The following BORCS5 variants were observed in gnomAD, a reference collection of about 807,000 sequenced individuals.
The protein encoded by BORCS5 is BLOC-1-related complex subunit 5.
Under a neutral mutation model 22.1 loss-of-function variants are expected in BORCS5, and 17 were observed. The ratio of observed to expected loss-of-function variants is 0.77; its 90% confidence interval spans 0.53 to 1.15. The LOEUF (loss-of-function observed/expected upper bound fraction) is 1.15. Among genes scored for constraint, BORCS5 ranks in the 50% most tolerant of loss-of-function variants. The pLI, the probability that BORCS5 is intolerant of heterozygous loss-of-function variation, is 0.00. For synonymous variants in BORCS5, 117 were observed against 99.8 expected, an observed-to-expected ratio of 1.17 and a Z score of -1.03; for missense variants, 247 against 253.2, an observed-to-expected ratio of 0.98 and a Z score of 0.17.
intron 2 of BORCS5, among the ~76,000 whole-genome samples, chr12:12,414,740 C>T (rs1253095060): frequency 7.4e-6 from 1 of 135,414 alleles, no homozygotes; most frequent in African/African-American, 2.9e-5. Flanking sequence ...GGAGACGCTC[C>T]TCACTTCCCA....
chr12:12,434,327 A>T (rs1158709959), intron 2 of BORCS5, among the ~76,000 whole-genome samples: 1 of 148,368 alleles, frequency 6.7e-6, no homozygotes, highest in South Asian at 2.1e-4. Context: ...CCTGCACGTG[A>T]CCTACTGTCA....
chr12:12,380,006 A>G (rs984161094), intron 2 of BORCS5, among the ~76,000 whole-genome samples: 1 of 151,234 alleles, frequency 6.6e-6, no homozygotes, highest in East Asian at 1.9e-4. Flanking sequence ...CCTGATTTCA[A>G]TATTATTGTA....
At chr12:12,463,505 T>G (rs983283416) in intron 3 of BORCS5, among the ~76,000 whole-genome samples, 5 of 152,210 alleles carry the variant, frequency 3.3e-5, no homozygotes, top group African/African-American at 1.2e-4. Flanking sequence ...GCTGCTGGAC[T>G]TCGGAGAGCT....
chr12:12,469,534 G>T lies in BORCS5; in HGVS notation c.*3758G>T, dbSNP rs1456303860. On this transcript the variant is annotated 3_prime_UTR_variant, in exon 4 of 4. Coordinates refer to ENST00000314565, the MANE Select transcript of BORCS5 (RefSeq NM_058169.6). ...GGTATTACAAACTCGGTTTTACAAGGTTACATAAACTAATGGCCCTGGGGC... is the reference window on the plus strand; with the variant it reads ...GGTATTACAAACTCGGTTTTACAAGTTTACATAAACTAATGGCCCTGGGGC... 1 of 152,246 alleles carries T rather than the reference G, an allele frequency of 6.6e-6. No homozygotes were observed. Among genetic ancestry groups the T allele is most frequent in the Non-Finnish European group, 1.5e-5 (1 of 68,054 alleles). The allele number at this position is 152,246 out of a possible 1,614,324, so 9.4% of individuals were successfully genotyped here.
chr12:12,392,632 G>A (rs958996838), intron 2 of BORCS5, among the ~76,000 whole-genome samples: 1 of 152,104 alleles, frequency 6.6e-6, no homozygotes, highest in African/African-American at 2.4e-5. Context: ...GTACCCACAT[G>A]ACAAGGATGC....
rs1233037654 is a variant in BORCS5 at position 12,427,962 on chromosome 12, T to C, written c.203-7666T>C. Among the ~76,000 whole-genome samples, 3 of 152,344 alleles carry C rather than the reference T, an allele frequency of 2.0e-5. No individual in the cohort carries two copies. The East Asian group carries it at 5.8e-4, about 29-fold the overall frequency. ...GGATTAGGATTTCAACATAGGAAATTTGGGGAAACACAAACATTCAGTCCA... is the reference window on the plus strand; with the variant it reads ...GGATTAGGATTTCAACATAGGAAATCTGGGGAAACACAAACATTCAGTCCA... On this transcript the variant is annotated intron_variant, in intron 2 of 3. Coordinates refer to ENST00000314565, the MANE Select transcript of BORCS5 (RefSeq NM_058169.6).
At chr12:12,451,127 C>G (rs1459045889) in intron 3 of BORCS5, among the ~76,000 whole-genome samples, 1 of 150,452 alleles carries the variant, frequency 6.6e-6, no homozygotes, top group African/African-American at 2.4e-5. Flanking sequence ...GTTGACAGAT[C>G]AAAGGTACGC....
At position 12,405,119 on chromosome 12, in the gene BORCS5, A is replaced by G. The variant is rs1025250405; in HGVS notation, c.203-30509A>G. Among the ~76,000 whole-genome samples, 5 of 152,228 alleles carry G rather than the reference A, an allele frequency of 3.3e-5. No homozygotes were observed. The South Asian group carries it at 1.0e-3, about 32-fold the overall frequency. ...AACAATAATACAGAAGAAGGGTTCT[A>G]TGGTAAATGCCGAAAGTGAACCTTC... On this transcript the variant is annotated intron_variant, in intron 2 of 3. Coordinates refer to ENST00000314565, the MANE Select transcript of BORCS5 (RefSeq NM_058169.6).
chr12:12,467,120 A>G lies in BORCS5; in HGVS notation c.*1344A>G, dbSNP rs1943216701. On this transcript the variant is annotated 3_prime_UTR_variant, in exon 4 of 4. Transcript: ENST00000314565. ...ATTAAAAAAAATTAATTAATTTTACATTTTCAAATTCAAAAGAATAATACA... is the reference window on the plus strand; with the variant it reads ...ATTAAAAAAAATTAATTAATTTTACGTTTTCAAATTCAAAAGAATAATACA... The G allele has an allele frequency of 6.6e-6, 1 of 152,196 alleles. No homozygotes were observed. Among genetic ancestry groups the G allele is most frequent in the African/African-American group, 2.4e-5 (1 of 41,448 alleles). 9.4% of individuals were successfully genotyped at this position (152,196 alleles called of 1,614,324 possible). A position where few individuals can be genotyped will look rare whatever the true frequency, so the allele number is the denominator to read the frequency against.
In BORCS5 at chr12:12,357,160, A is replaced by G. The variant is rs78254869; in HGVS notation, c.-292A>G. ...CCGCCCGCCGGCCGCAGGTGCGGCAAAGCCAGTGTCATCTGCCGGTTCTCT... is the reference window on the plus strand; with the variant it reads ...CCGCCCGCCGGCCGCAGGTGCGGCAGAGCCAGTGTCATCTGCCGGTTCTCT... On this transcript the variant is annotated 5_prime_UTR_variant, in exon 1 of 4. Transcript: ENST00000314565. The G allele has an allele frequency of 1.2e-3, 1,846 of 1,532,294 alleles. 24 individuals are homozygous for G. In the African/African-American group the frequency reaches 0.022, roughly 18 times the overall value. 94.9% of individuals were successfully genotyped at this position (1,532,294 alleles called of 1,614,324 possible). A position where few individuals can be genotyped will look rare whatever the true frequency, so the allele number is the denominator to read the frequency against.
At chr12:12,372,388 A>G (rs1863550919) in intron 2 of BORCS5, among the ~76,000 whole-genome samples, 1 of 151,962 alleles carries the variant, frequency 6.6e-6, no homozygotes, top group Admixed American at 6.6e-5. Context: ...TCTGTTGCCC[A>G]GGCTAGAGTG....
intron 3 of BORCS5, among the ~76,000 whole-genome samples, chr12:12,440,170 A>T (rs1942652395): frequency 6.6e-6 from 1 of 152,246 alleles, no homozygotes; most frequent in South Asian, 2.1e-4. Flanking sequence ...TGATTCAGAT[A>T]AAGGAAAATC....
intron 2 of BORCS5, among the ~76,000 whole-genome samples, chr12:12,386,727 C>T (rs1863891863): frequency 1.3e-5 from 2 of 151,062 alleles, no homozygotes; most frequent in Non-Finnish European, 3.0e-5. Context: ...GCCTCGGCCT[C>T]CCAAAGTGCT....
chr12:12,424,847 G>A (rs1183755967), intron 2 of BORCS5, among the ~76,000 whole-genome samples: 1 of 152,016 alleles, frequency 6.6e-6, no homozygotes, highest in Non-Finnish European at 1.5e-5. Context: ...CTATATATGT[G>A]GTTGCTTTTG....
rs189173114 is a variant in BORCS5 at position 12,360,400 on chromosome 12, T to C, written c.59-806T>C. On this transcript the variant is annotated intron_variant, in intron 1 of 3. Coordinates refer to ENST00000314565, the MANE Select transcript of BORCS5 (RefSeq NM_058169.6). ...TCCTGTAATGTCTGAGGGTTTTTGTTGTTGTTGTTGTTTTGTTTTTTGAGA... is the reference window on the plus strand; with the variant it reads ...TCCTGTAATGTCTGAGGGTTTTTGTCGTTGTTGTTGTTTTGTTTTTTGAGA... 3.6e-3 allele frequency among the ~76,000 whole-genome samples: 541 copies of C among 151,916 alleles called. 3 individuals are homozygous for C. The highest frequency in any genetic ancestry group is 0.013 in the African/African-American group (520 of 41,424).
At chr12:12,453,781 A>G (rs1046933217) in intron 3 of BORCS5, among the ~76,000 whole-genome samples, 1 of 152,238 alleles carries the variant, frequency 6.6e-6, no homozygotes, top group African/African-American at 2.4e-5. Flanking sequence ...ATGTAATTCC[A>G]GAACATTTTC....
intron 2 of BORCS5, among the ~76,000 whole-genome samples, chr12:12,421,431 G>A (rs1301883970): frequency 6.6e-6 from 1 of 152,146 alleles, no homozygotes; most frequent in African/African-American, 2.4e-5. Context: ...GCTTTTTGAT[G>A]TGCTCCTGGA....
intron 2 of BORCS5, among the ~76,000 whole-genome samples, chr12:12,403,363 G>C (rs1941518812): frequency 6.6e-6 from 1 of 152,144 alleles, no homozygotes; most frequent in South Asian, 2.1e-4. Context: ...TTCACTGTTA[G>C]AGGTCTGTTG....
intron 2 of BORCS5, among the ~76,000 whole-genome samples, chr12:12,362,520 C>T (rs1314988506): frequency 2.6e-5 from 4 of 151,656 alleles, no homozygotes; most frequent in Admixed American, 6.6e-5. Flanking sequence ...CCCATTAACT[C>T]GTCATTCACA....
Sources: allele counts gnomAD v4.1 joint callset (sites outside exome capture counted in the v4.1 genomes callset), GRCh38; gene constraint gnomAD v4.1.1; transcripts MANE v1.5; gene names NCBI Gene and HGNC (gene_info 2026-07-23, HGNC 2026-07-21).